Variants in ARHGEF3 observed in about 807,000 individuals in gnomAD.
ARHGEF3 encodes the protein Rho guanine nucleotide exchange factor 3.
In ARHGEF3, 28 loss-of-function variants were observed where a neutral mutation model predicts 63.2. The observed-to-expected ratio is 0.44, with a 90% CI of 0.33 to 0.61. The LOEUF is 0.61. ARHGEF3 is among the 20% of genes least tolerant of loss of function. The pLI is 0.03. For synonymous variants in ARHGEF3, 266 were observed against 254.2 expected, an observed-to-expected ratio of 1.05 and a Z score of -0.44; for missense variants, 533 against 659.3, an observed-to-expected ratio of 0.81 and a Z score of 2.10.
chr3:56,970,586 A>C (rs1578991825), intron 2 of ARHGEF3, among the ~76,000 whole-genome samples: 1 of 151,778 alleles, frequency 6.6e-6, no homozygotes, highest in East Asian at 1.9e-4. Flanking sequence ...TCCCCCTCCA[A>C]CCCCTGCACT....
chr3:57,014,989 C>T (rs1423268222), intron 2 of ARHGEF3, among the ~76,000 whole-genome samples: 1 of 151,666 alleles, frequency 6.6e-6, no homozygotes, highest in Admixed American at 6.6e-5. Flanking sequence ...CCGGCCAAAG[C>T]TTGTTAACTT....
chr3:56,916,608 G>A, intron 3 of ARHGEF3: 2 of 784,852 alleles, frequency 2.5e-6, no homozygotes, highest in South Asian at 7.3e-5. Flanking sequence ...CAGAAGTTCA[G>A]TTTCTGACTG....
At chr3:56,914,800 TCA>T (rs1428535699) in intron 3 of ARHGEF3, among the ~76,000 whole-genome samples, 4 of 152,064 alleles carry the variant, frequency 2.6e-5, no homozygotes, top group Admixed American at 2.0e-4. Context: ...GTAATCAAAA[TCA>T]CAGAGACAGA....
chr3:56,765,982 T>C (rs2035683758), intron 2 of ARHGEF3, among the ~76,000 whole-genome samples: 1 of 151,992 alleles, frequency 6.6e-6, no homozygotes, highest in Non-Finnish European at 1.5e-5. Flanking sequence ...ATAATTGTAT[T>C]CCCAAGAGAC....
At chr3:57,052,938 G>C (rs1704737570) in intron 1 of ARHGEF3, among the ~76,000 whole-genome samples, 1 of 152,156 alleles carries the variant, frequency 6.6e-6, no homozygotes. Flanking sequence ...GCCATCAAGA[G>C]AAACAGGCTT....
At chr3:56,838,343 A>G (rs1040209670) in intron 4 of ARHGEF3, among the ~76,000 whole-genome samples, 1 of 152,222 alleles carries the variant, frequency 6.6e-6, no homozygotes, top group African/African-American at 2.4e-5. Flanking sequence ...GAATCTCTAC[A>G]TAAGACAGAG....
At chr3:56,747,096 G>GAA (rs869296288) in intron 6 of ARHGEF3, among the ~76,000 whole-genome samples, 1 of 137,104 alleles carries the variant, frequency 7.3e-6, no homozygotes, top group South Asian at 2.9e-4. Context: ...GAGAGAGAGA[G>GAA]AACCCAAACG....
chr3:56,914,184 C>G (rs2041928140), intron 3 of ARHGEF3, among the ~76,000 whole-genome samples: 1 of 152,194 alleles, frequency 6.6e-6, no homozygotes, highest in Non-Finnish European at 1.5e-5. Flanking sequence ...GTGTATGCTG[C>G]TTGGATGATG....
intron 2 of ARHGEF3, among the ~76,000 whole-genome samples, chr3:56,970,326 C>T (rs116503652): frequency 9.0e-4 from 137 of 152,126 alleles, no homozygotes; most frequent in African/African-American, 2.9e-3. Context: ...AAAATCCACA[C>T]GGAATAATGA....
chr3:56,760,881 C>T (rs1339937550), intron 2 of ARHGEF3, among the ~76,000 whole-genome samples: 1 of 152,184 alleles, frequency 6.6e-6, no homozygotes, highest in African/African-American at 2.4e-5. Flanking sequence ...TTCAAATTTA[C>T]ACCTTTAATT....
Position 56,754,047 on chromosome 3 carries a change from C to T in ARHGEF3, c.376-481G>A, listed in dbSNP as rs918911809. 3.3e-5 allele frequency among the ~76,000 whole-genome samples: 5 copies of T among 152,330 alleles called. No homozygotes were observed. The South Asian group carries it at 8.3e-4, about 25-fold the overall frequency. ...AAGTTTTATTTGTATTATCCACTGC[C>T]TTGAGGCTGAGATTGTAGGAAGAAT... On this transcript the variant is annotated intron_variant, in intron 3 of 9. Transcript: ENST00000296315.
chr3:56,902,107 C>T (rs1045351801), intron 3 of ARHGEF3, among the ~76,000 whole-genome samples: 14 of 152,160 alleles, frequency 9.2e-5, no homozygotes, highest in African/African-American at 3.4e-4. Context: ...AAAAAGGATA[C>T]TTGTTTACAG....
chr3:56,903,212 A>G (rs991802711), intron 3 of ARHGEF3, among the ~76,000 whole-genome samples: 7 of 152,266 alleles, frequency 4.6e-5, no homozygotes, highest in African/African-American at 1.7e-4. Flanking sequence ...TGGGAGAGGG[A>G]TTAAAGCAAG....
At chr3:56,908,173 C>A (rs964481085) in intron 3 of ARHGEF3, among the ~76,000 whole-genome samples, 1 of 152,202 alleles carries the variant, frequency 6.6e-6, no homozygotes, top group South Asian at 2.1e-4. Context: ...CACTTCCCAC[C>A]TGGGCAGCCA....
intron 4 of ARHGEF3, among the ~76,000 whole-genome samples, chr3:56,812,683 G>A (rs1332248139): frequency 1.3e-5 from 2 of 152,222 alleles, no homozygotes; most frequent in Non-Finnish European, 2.9e-5. Context: ...TTTAAGGGAG[G>A]GGGCAGATTT....
intron 2 of ARHGEF3, among the ~76,000 whole-genome samples, chr3:57,031,229 G>A (rs955246523): frequency 2.6e-5 from 4 of 152,244 alleles, no homozygotes; most frequent in East Asian, 1.9e-4. Context: ...CATGAGGTTT[G>A]CAGTCCAATA....
intron 3 of ARHGEF3, among the ~76,000 whole-genome samples, chr3:56,949,914 T>C (rs921630545): frequency 2.0e-5 from 3 of 152,086 alleles, no homozygotes; most frequent in Admixed American, 6.5e-5. Context: ...AACAGCATGG[T>C]ACTGGTACCA....
At chr3:57,017,028 TCTCTCACACACA>T (rs1452849606) in intron 2 of ARHGEF3, among the ~76,000 whole-genome samples, 92 of 127,518 alleles carry the variant, frequency 7.2e-4, no homozygotes, top group South Asian at 1.4e-3. Flanking sequence ...TCTCTCTCTC[TCTCTCACACACA>T]CACACACACA....
intron 3 of ARHGEF3, among the ~76,000 whole-genome samples, chr3:56,907,834 C>T (rs915303106): frequency 2.6e-4 from 40 of 152,020 alleles, no homozygotes; most frequent in African/African-American, 9.4e-4. Flanking sequence ...CATGGACACA[C>T]AGAGGGGAAC....
Sources: gnomAD v4.1 joint callset for allele counts (sites outside exome capture counted in the v4.1 genomes callset) on GRCh38, gnomAD v4.1.1 for gene constraint, MANE v1.5 for transcripts, NCBI Gene and HGNC (gene_info 2026-07-23, HGNC 2026-07-21) for gene names.